PCDHGA6: variants seen among roughly 807,000 people sequenced by gnomAD.
The protein encoded by PCDHGA6 is protocadherin gamma-A6.
Under a neutral mutation model 60.6 loss-of-function variants are expected in PCDHGA6, and 41 were observed. That is an observed-to-expected ratio of 0.68 (90% confidence interval 0.53 to 0.88). PCDHGA6 has a LOEUF of 0.88. PCDHGA6 is among the 40% of genes least tolerant of loss of function. PCDHGA6 has a pLI of 0.00. For missense variants in PCDHGA6, 1,312 were observed against 1,203.0 expected (o/e 1.09, Z -1.34); for synonymous variants, 594 against 524.4 (o/e 1.13, Z -1.81).
intron 1 of PCDHGA6, among the ~76,000 whole-genome samples, chr5:141,482,985 C>T (rs971017271): frequency 1.3e-5 from 2 of 151,372 alleles, no homozygotes; most frequent in East Asian, 1.9e-4. Context: ...CTTGAGAGGT[C>T]GAGGCAGGAG....
Position 141,432,856 on chromosome 5 carries a change from G to A in PCDHGA6, c.2424+56349G>A, listed in dbSNP as rs773243805. 8.7e-6 allele frequency: 14 copies of A among 1,614,024 alleles called. No homozygotes were observed. The highest frequency in any genetic ancestry group is 1.3e-5 in the African/African-American group (1 of 74,908). ...TGTACCTGGTGGTAGCGGTGGCCGC[G>A]GTCTCCTGCGTCTTCCTGGCCTTCG... On this transcript the variant is annotated intron_variant, in intron 1 of 3. Coordinates refer to ENST00000517434, the MANE Select transcript of PCDHGA6 (RefSeq NM_018919.3). The surrounding 1 kb of genome is among the most constrained non-coding windows in gnomAD (Gnocchi z 6.0).
At chr5:141,418,908 C>T (rs1037628215) in intron 1 of PCDHGA6, 1 of 1,613,814 alleles carries the variant, frequency 6.2e-7, no homozygotes, top group Non-Finnish European at 8.5e-7. Context: ...ATAATCATCA[C>T]GTCACTCTCT....
intron 2 of PCDHGA6, among the ~76,000 whole-genome samples, chr5:141,503,681 A>C (rs1313633991): frequency 6.6e-6 from 1 of 152,102 alleles, no homozygotes; most frequent in Non-Finnish European, 1.5e-5. Context: ...ACTTTTGGGA[A>C]GGAGAATTGA....
Position 141,476,500 on chromosome 5 carries a change from C to A in PCDHGA6, c.2425-18307C>A. The A allele has an allele frequency of 6.2e-7, 1 of 1,613,874 alleles. No homozygotes were observed. The highest frequency in any genetic ancestry group is 8.5e-7 in the Non-Finnish European group (1 of 1,179,950). ...GCGTGGAAGTGGTGATCCAGGACAT[C>A]AACGACAACAATCCTGCTTTCCCTA... On this transcript the variant is annotated intron_variant, in intron 1 of 3. Coordinates refer to ENST00000517434, the MANE Select transcript of PCDHGA6 (RefSeq NM_018919.3). The surrounding 1 kb of genome is among the most constrained non-coding windows in gnomAD (Gnocchi z 7.6).
At position 141,490,479 on chromosome 5, in the gene PCDHGA6, C is replaced by T; in HGVS notation, c.2425-4328C>T. 11 of 1,614,216 alleles carry T rather than the reference C, an allele frequency of 6.8e-6. No homozygotes were observed. Among genetic ancestry groups the T allele is most frequent in the Non-Finnish European group, 9.3e-6 (11 of 1,180,032 alleles). ...CGCTGCTAACCAGCCAGCCTTTGGACCGGGAGGCCACATCCCACTATATCA... is the reference window on the plus strand; with the variant it reads ...CGCTGCTAACCAGCCAGCCTTTGGATCGGGAGGCCACATCCCACTATATCA... On this transcript the variant is annotated intron_variant, in intron 1 of 3. Coordinates refer to ENST00000517434, the MANE Select transcript of PCDHGA6 (RefSeq NM_018919.3). This position sits in a 1 kb window ranked among gnomAD's most constrained non-coding sequence, Gnocchi z 5.4.
Position 141,477,016 on chromosome 5 carries a change from A to G in PCDHGA6, c.2425-17791A>G, listed in dbSNP as rs2099403497. Reference sequence around the variant, plus strand: ...GGCAACTATTCGCCTTAGACCTTGTAACCGGGATGCTGACAATCAAGGGTC... The same window carrying G: ...GGCAACTATTCGCCTTAGACCTTGTGACCGGGATGCTGACAATCAAGGGTC... On this transcript the variant is annotated intron_variant, in intron 1 of 3. Transcript: ENST00000517434. The surrounding 1 kb of genome is among the most constrained non-coding windows in gnomAD (Gnocchi z 4.9). 4.3e-6 allele frequency: 7 copies of G among 1,614,130 alleles called. No homozygotes were observed. The highest frequency in any genetic ancestry group is 5.9e-6 in the Non-Finnish European group (7 of 1,180,050).
chr5:141,404,709 A>G (rs746275941), intron 1 of PCDHGA6: 33 of 1,613,624 alleles, frequency 2.0e-5, no homozygotes, highest in Non-Finnish European at 2.7e-5. Flanking sequence ...GAGCCTGGCT[A>G]CCTGGTGACC....
intron 1 of PCDHGA6, chr5:141,415,110 C>A: frequency 6.2e-7 from 1 of 1,613,666 alleles, no homozygotes; most frequent in Middle Eastern, 1.7e-4. Flanking sequence ...TCAAGCAAAG[C>A]CTCGTAGTGG....
intron 1 of PCDHGA6, among the ~76,000 whole-genome samples, chr5:141,397,814 C>G (rs1325713795): frequency 6.6e-6 from 1 of 152,200 alleles, no homozygotes; most frequent in Non-Finnish European, 1.5e-5. Flanking sequence ...CACACAAAAA[C>G]AATTACTGCA....
rs1412764202 is a variant in PCDHGA6, at chr5:141,486,708, C to T, written c.2425-8099C>T. The T allele has an allele frequency of 1.2e-6, 2 of 1,614,062 alleles. No individual in the cohort carries two copies. Among genetic ancestry groups the T allele is most frequent in the Non-Finnish European group, 1.7e-6 (2 of 1,180,054 alleles). ...GCTTCCTCTTTCATCTCTCTGAACC[C>T]CCAGACAGGAGCTGTTCATGCTACT... On this transcript the variant is annotated intron_variant, in intron 1 of 3. Coordinates refer to ENST00000517434, the MANE Select transcript of PCDHGA6 (RefSeq NM_018919.3). This position sits in a 1 kb window ranked among gnomAD's most constrained non-coding sequence, Gnocchi z 5.0.
At chr5:141,383,621 T>A in intron 1 of PCDHGA6, 1 of 1,613,880 alleles carries the variant, frequency 6.2e-7, no homozygotes, top group East Asian at 2.2e-5. Flanking sequence ...CACACGCCTG[T>A]CTTCTCTCTG....
intron 1 of PCDHGA6, among the ~76,000 whole-genome samples, chr5:141,450,561 A>G (rs1381887193): frequency 6.6e-6 from 1 of 151,856 alleles, no homozygotes; most frequent in Admixed American, 6.6e-5. Flanking sequence ...GTCTCGGCTC[A>G]CTGCAACTTC....
At chr5:141,400,279 G>C (rs1561676065) in intron 1 of PCDHGA6, 1 of 1,614,050 alleles carries the variant, frequency 6.2e-7, no homozygotes, top group African/African-American at 1.3e-5. Context: ...CTCCAGCCCT[G>C]CCGCCTGGAG....
chr5:141,394,239 G>T (rs530540432), intron 1 of PCDHGA6: 1 of 1,613,750 alleles, frequency 6.2e-7, no homozygotes, highest in Non-Finnish European at 8.5e-7. Flanking sequence ...TTCCTTGACT[G>T]CACACGACCC....
intron 1 of PCDHGA6, among the ~76,000 whole-genome samples, chr5:141,464,265 AAAAAAAAAAAAAGC>A (rs1446781862): frequency 7.4e-6 from 1 of 135,276 alleles, no homozygotes; most frequent in Non-Finnish European, 1.6e-5. Flanking sequence ...ACTCCGTCTA[AAAAAAAAAAAAAGC>A]AAAAAAAAAA....
At chr5:141,502,575 A>G (rs1314648955) in intron 2 of PCDHGA6, among the ~76,000 whole-genome samples, 2 of 152,208 alleles carry the variant, frequency 1.3e-5, no homozygotes, top group Admixed American at 1.3e-4. Context: ...CATTATAAAA[A>G]TATATTTTTA....
intron 1 of PCDHGA6, chr5:141,387,968 G>C (rs1169859236): frequency 6.7e-7 from 1 of 1,489,402 alleles, no homozygotes; most frequent in Non-Finnish European, 9.0e-7. Context: ...TCTGCCCGGC[G>C]CTCTGTGAGC....
intron 2 of PCDHGA6, among the ~76,000 whole-genome samples, chr5:141,497,920 C>T (rs548251626): frequency 6.6e-6 from 1 of 152,336 alleles, no homozygotes; most frequent in East Asian, 1.9e-4. Flanking sequence ...CTCCTTCATT[C>T]ATTCAACAAA....
chr5:141,486,161 A>G lies in PCDHGA6; in HGVS notation c.2425-8646A>G. 1 of 1,614,216 alleles carries G rather than the reference A, an allele frequency of 6.2e-7. No individual in the cohort carries two copies. The highest frequency in any genetic ancestry group is 8.5e-7 in the Non-Finnish European group (1 of 1,180,038). ...GGCTCGCGATGGGGGTTCTCCAGCC[A>G]TGGAGCAACATTGCAGCCTTCGAGT... On this transcript the variant is annotated intron_variant, in intron 1 of 3. Coordinates refer to ENST00000517434, the MANE Select transcript of PCDHGA6 (RefSeq NM_018919.3). The surrounding 1 kb of genome is among the most constrained non-coding windows in gnomAD (Gnocchi z 5.0).
Sources: allele counts gnomAD v4.1 joint callset (sites outside exome capture counted in the v4.1 genomes callset), GRCh38; gene constraint gnomAD v4.1.1; non-coding constraint Gnocchi (gnomAD v3.1); transcripts MANE v1.5; gene names NCBI Gene and HGNC (gene_info 2026-07-23, HGNC 2026-07-21).